The following RALGAPA2 variants were observed in gnomAD, a reference collection of about 807,000 sequenced individuals.
The protein encoded by RALGAPA2 is ral GTPase-activating protein subunit alpha-2.
RALGAPA2 carries 139 observed loss-of-function variants against 230.4 expected under a neutral mutation model. The observed-to-expected ratio is 0.60, with a 90% confidence interval of 0.53 to 0.69. RALGAPA2 has a LOEUF of 0.69. Among genes scored for constraint, RALGAPA2 ranks in the 30% least tolerant of loss-of-function variants. The pLI, the probability that RALGAPA2 is intolerant of heterozygous loss-of-function variation, is 0.00. For synonymous variants in RALGAPA2, 847 were observed against 837.8 expected (o/e 1.01, Z -0.19); for missense variants, 2,163 against 2,276.0 (o/e 0.95, Z 1.01).
chr20:20,472,944 C>CA lies in RALGAPA2; in HGVS notation c.5379dup (p.Gly1794TrpfsTer5). ...ACTATGGCTCCATCAAACAGAGGCC[C>CA]AAAAAATGGAACCTGTTGATTTGAA... is the stretch of plus-strand genomic sequence containing the variant. On this transcript the variant is annotated frameshift_variant, in exon 37 of 40. Coordinates refer to ENST00000202677, the MANE Select transcript of RALGAPA2 (RefSeq NM_020343.4). LOFTEE classifies it high-confidence loss of function. 4 of 1,592,534 alleles carry CA rather than the reference C, an allele frequency of 2.5e-6. No individual in the cohort carries two copies. The highest frequency in any genetic ancestry group is 1.9e-5 in the Admixed American group (1 of 52,786).
chr20:20,478,952 AAAT>A (rs1350881763), intron 36 of RALGAPA2, among the ~76,000 whole-genome samples: 2 of 152,194 alleles, frequency 1.3e-5, no homozygotes, highest in Admixed American at 6.5e-5. Flanking sequence ...AAGCACAACT[AAAT>A]AATATTAGAA....
rs1358559010 is a variant in RALGAPA2, at chr20:20,660,797, CTA to C, written c.271-7212_271-7211del. Among the ~76,000 whole-genome samples, 3 of 152,244 alleles carry C rather than the reference CTA, an allele frequency of 2.0e-5. No homozygotes were observed. The East Asian group carries it at 5.8e-4, about 29-fold the overall frequency. ...GTACTGACAGTAGATAGAGCCTAGA[CTA>C]TGTCTCACCTCCCTCCCAGGTGACT... is the stretch of plus-strand genomic sequence containing the variant. On this transcript the variant is annotated intron_variant, in intron 3 of 39. Coordinates refer to ENST00000202677, the MANE Select transcript of RALGAPA2 (RefSeq NM_020343.4).
chr20:20,464,036 C>G (rs985942532), intron 37 of RALGAPA2, among the ~76,000 whole-genome samples: 3 of 152,118 alleles, frequency 2.0e-5, no homozygotes, highest in Non-Finnish European at 2.9e-5. Flanking sequence ...GGAAACGAAA[C>G]CTCAGATATT....
chr20:20,391,589 T>G lies in RALGAPA2; in HGVS notation c.*1700A>C, dbSNP rs1322965606. On this transcript the variant is annotated 3_prime_UTR_variant, in exon 40 of 40. Transcript: ENST00000202677. ...CTTTCTCATTTGTCCCAAGAGTGAGTCTGGCTCCTGAGTCTCCCCGTTTTC... is the reference window on the plus strand; with the variant it reads ...CTTTCTCATTTGTCCCAAGAGTGAGGCTGGCTCCTGAGTCTCCCCGTTTTC... The G allele has an allele frequency of 6.6e-6, 1 of 152,050 alleles. No homozygotes were observed. The highest frequency in any genetic ancestry group is 1.5e-5 in the Non-Finnish European group (1 of 67,992). 9.4% of individuals were successfully genotyped at this position (152,050 alleles called of 1,614,324 possible). A position where few individuals can be genotyped will look rare whatever the true frequency, so the allele number is the denominator to read the frequency against.
At chr20:20,536,907 C>A in intron 24 of RALGAPA2, 123 bp from the exon 25 acceptor site, 1 of 1,140,478 alleles carries the variant, frequency 8.8e-7, no homozygotes, top group Non-Finnish European at 1.2e-6. Flanking sequence ...TTATTCTCTT[C>A]CAAGTGCATA....
chr20:20,573,196 G>A (rs1315577028), intron 20 of RALGAPA2, 128 bp from the exon 21 acceptor site: 1 of 800,866 alleles, frequency 1.2e-6, no homozygotes, highest in Non-Finnish European at 1.9e-6. Flanking sequence ...AAACAGCTGA[G>A]AATTTAAAAG....
intron 23 of RALGAPA2, among the ~76,000 whole-genome samples, chr20:20,550,103 A>G (rs2063881662): frequency 6.6e-6 from 1 of 152,162 alleles, no homozygotes; most frequent in African/African-American, 2.4e-5. Flanking sequence ...AGCAGTAAGC[A>G]CTATACCCAA....
rs1353281052 is a variant in RALGAPA2, at chr20:20,395,744, G to GCCTGCAGGTCCAACAGC, written c.*35+934_*35+950dup. ...GGCTGTGATGCTGGCTGCTCCTCTG[G>GCCTGCAGGTCCAACAGC]CCTGCAGGTCCAACAGCCCTGCCTA... On this transcript the variant is annotated intron_variant, in intron 39 of 39. Coordinates refer to ENST00000202677, the MANE Select transcript of RALGAPA2 (RefSeq NM_020343.4). 1.1e-4 allele frequency among the ~76,000 whole-genome samples: 17 copies of GCCTGCAGGTCCAACAGC among 152,266 alleles called. 1 individual carries two copies. The highest frequency in any genetic ancestry group is 3.8e-4 in the African/African-American group (16 of 41,566).
At chr20:20,599,948 G>T (rs2065582932) in intron 16 of RALGAPA2, among the ~76,000 whole-genome samples, 1 of 151,028 alleles carries the variant, frequency 6.6e-6, no homozygotes, top group Admixed American at 6.6e-5. Context: ...ACTTCAGCCT[G>T]GGCTTTTTTT....
At chr20:20,462,559 AC>A (rs1001372339) in intron 37 of RALGAPA2, among the ~76,000 whole-genome samples, 6 of 152,036 alleles carry the variant, frequency 3.9e-5, no homozygotes, top group African/African-American at 1.5e-4. Flanking sequence ...AATTCAAAGT[AC>A]CCCTTTTAGA....
At chr20:20,405,293 C>T (rs1475727876) in intron 38 of RALGAPA2, among the ~76,000 whole-genome samples, 1 of 152,172 alleles carries the variant, frequency 6.6e-6, no homozygotes, top group Admixed American at 6.5e-5. Flanking sequence ...AATAAATAGC[C>T]ATTTTTTTTG....
At chr20:20,470,930 TG>T (rs1473249982) in intron 37 of RALGAPA2, 1 of 152,216 alleles carries the variant, frequency 6.6e-6, no homozygotes, top group African/African-American at 2.4e-5. Context: ...GTATAACAGT[TG>T]ATTTCTTGTT....
chr20:20,693,729 C>T (rs1002067219), intron 1 of RALGAPA2, among the ~76,000 whole-genome samples: 1 of 152,256 alleles, frequency 6.6e-6, no homozygotes, highest in African/African-American at 2.4e-5. Context: ...ATTCTTACCC[C>T]CACTAGAAAG....
intron 39 of RALGAPA2, 31 bp from the exon 40 acceptor site, chr20:20,393,284 T>C (rs1341589060): frequency 6.2e-6 from 8 of 1,293,060 alleles, no homozygotes; most frequent in African/African-American, 3.1e-5. Flanking sequence ...TGCTAAGTCA[T>C]GGAGGCAACG....
chr20:20,404,367 C>T (rs2328512), intron 38 of RALGAPA2, among the ~76,000 whole-genome samples: 146,480 of 152,266 alleles, frequency 0.96, 70,587 homozygotes, highest in Non-Finnish European at 1. Context: ...AAGGGTAGTA[C>T]AAAATATTCT....
intron 16 of RALGAPA2, among the ~76,000 whole-genome samples, chr20:20,594,704 A>C (rs2065394614): frequency 6.6e-6 from 1 of 151,662 alleles, no homozygotes; most frequent in African/African-American, 2.4e-5. Flanking sequence ...AAGTTACACA[A>C]TACCATTACT....
At chr20:20,396,648 C>G (rs2059725108) in intron 39 of RALGAPA2, 47 bp downstream of exon 39, 1 of 1,547,706 alleles carries the variant, frequency 6.5e-7, no homozygotes, top group African/African-American at 1.4e-5. Context: ...CCCACCCCCT[C>G]CCCAAAGCAG....
At chr20:20,457,599 A>T (rs1314646370) in intron 37 of RALGAPA2, among the ~76,000 whole-genome samples, 1 of 152,208 alleles carries the variant, frequency 6.6e-6, no homozygotes, top group Non-Finnish European at 1.5e-5. Context: ...ATTCACCTGG[A>T]AAACACCCGC....
At chr20:20,455,104 CA>C (rs1171680955) in intron 37 of RALGAPA2, among the ~76,000 whole-genome samples, 40 of 152,322 alleles carry the variant, frequency 2.6e-4, no homozygotes, top group African/African-American at 9.1e-4. Flanking sequence ...GTACACATTA[CA>C]AACAGAATGT....
Sources: allele counts gnomAD v4.1 joint callset (sites outside exome capture counted in the v4.1 genomes callset), GRCh38; gene constraint gnomAD v4.1.1; transcripts MANE v1.5; gene names NCBI Gene and HGNC (gene_info 2026-07-23, HGNC 2026-07-21).